The following PTPRM variants were observed in gnomAD, a reference collection of about 807,000 sequenced individuals.
PTPRM encodes the protein receptor-type tyrosine-protein phosphatase mu.
A neutral mutation model predicts 186.7 loss-of-function variants in PTPRM; 47 were observed. That is an observed-to-expected ratio of 0.25 (90% CI 0.20 to 0.32). The LOEUF is 0.32. Ranked by LOEUF, PTPRM falls within the 10% of genes least tolerant of loss-of-function variation. The pLI, the probability that PTPRM is intolerant of heterozygous loss-of-function variation, is 1.00. For synonymous variants in PTPRM, 668 were observed against 674.9 expected (o/e 0.99, Z 0.16); for missense variants, 1,494 against 1,865.0 (o/e 0.80, Z 3.66).
chr18:7,929,443 G>A (rs1049038828), intron 5 of PTPRM, among the ~76,000 whole-genome samples: 7 of 151,958 alleles, frequency 4.6e-5, no homozygotes, highest in Admixed American at 2.6e-4. Context: ...TCTACACTGC[G>A]CTGTCAAGAA....
intron 7 of PTPRM, among the ~76,000 whole-genome samples, chr18:8,009,482 G>A (rs541119227): frequency 9.2e-5 from 14 of 152,274 alleles, no homozygotes; most frequent in African/African-American, 3.4e-4. Flanking sequence ...GGCCAGGGCA[G>A]ACAGATCACG....
At chr18:8,146,279 C>T (rs1278424668) in intron 14 of PTPRM, among the ~76,000 whole-genome samples, 2 of 152,108 alleles carry the variant, frequency 1.3e-5, no homozygotes, top group African/African-American at 2.4e-5. Flanking sequence ...GCTTGGCCTC[C>T]CAAAGTGCTG....
At chr18:7,645,259 A>T (rs1442540470) in intron 1 of PTPRM, among the ~76,000 whole-genome samples, 1 of 152,148 alleles carries the variant, frequency 6.6e-6, no homozygotes, top group Admixed American at 6.5e-5. Context: ...AACAAATCTC[A>T]TTTGGCACTA....
intron 2 of PTPRM, among the ~76,000 whole-genome samples, chr18:7,817,388 G>A (rs1291276716): frequency 6.6e-6 from 1 of 152,088 alleles, no homozygotes; most frequent in Non-Finnish European, 1.5e-5. Context: ...AGATACAGTG[G>A]TACCTCATAA....
chr18:8,288,439 G>A (rs992765546), intron 19 of PTPRM, among the ~76,000 whole-genome samples: 4 of 152,096 alleles, frequency 2.6e-5, no homozygotes, highest in African/African-American at 9.7e-5. Context: ...GAGTAGTGCC[G>A]GCCAAGAAAG....
chr18:7,920,210 GACTT>G (rs1381605791), intron 4 of PTPRM, among the ~76,000 whole-genome samples: 1 of 152,068 alleles, frequency 6.6e-6, no homozygotes, highest in Non-Finnish European at 1.5e-5. Context: ...ATTAAGTAAA[GACTT>G]ACTACTGCCA....
At chr18:8,317,528 T>C (rs2095317549) in intron 21 of PTPRM, among the ~76,000 whole-genome samples, 1 of 152,022 alleles carries the variant, frequency 6.6e-6, no homozygotes, top group Admixed American at 6.6e-5. Flanking sequence ...TTGAAGGCCA[T>C]GGGGCTGGAG....
At chr18:7,616,175 T>C (rs189524587) in intron 1 of PTPRM, among the ~76,000 whole-genome samples, 1 of 152,288 alleles carries the variant, frequency 6.6e-6, no homozygotes, top group African/African-American at 2.4e-5. Context: ...GCTGGTTTTT[T>C]AGACAGGGTC....
At chr18:8,209,430 G>A (rs537099897) in intron 14 of PTPRM, among the ~76,000 whole-genome samples, 1 of 152,284 alleles carries the variant, frequency 6.6e-6, no homozygotes, top group Non-Finnish European at 1.5e-5. Context: ...TTCAGCTTGA[G>A]CAACTACAAA....
intron 1 of PTPRM, among the ~76,000 whole-genome samples, chr18:7,694,687 A>C (rs533912635): frequency 2.6e-5 from 4 of 152,198 alleles, no homozygotes; most frequent in Admixed American, 6.5e-5. Context: ...TCGGCCTCCC[A>C]AAGTTCTGGG....
rs117727865 is a variant in PTPRM, at chr18:7,764,969, G to A, written c.74-9180G>A. Among the ~76,000 whole-genome samples the A allele has an allele frequency of 3.1e-4, 47 of 152,236 alleles. No homozygotes were observed. In the East Asian group the frequency reaches 9.1e-3, roughly 29 times the overall value. ...ATTCAGATAGATTCACATTTATGCA[G>A]GGAATTCATGCAAGTGGTTTAATTC... is the stretch of plus-strand genomic sequence containing the variant. On this transcript the variant is annotated intron_variant, in intron 1 of 32. Coordinates refer to ENST00000580170, the MANE Select transcript of PTPRM (RefSeq NM_001105244.2).
Position 7,748,306 on chromosome 18 carries a change from G to A in PTPRM, c.74-25843G>A, listed in dbSNP as rs536181292. On this transcript the variant is annotated intron_variant, in intron 1 of 32. Coordinates refer to ENST00000580170, the MANE Select transcript of PTPRM (RefSeq NM_001105244.2). ...GAGTTTAAAGAGTTACATGTGGCTAGTAGCCCTGTGTTGAACGGTACAGCT... is the reference window on the plus strand; with the variant it reads ...GAGTTTAAAGAGTTACATGTGGCTAATAGCCCTGTGTTGAACGGTACAGCT... 5.3e-5 allele frequency among the ~76,000 whole-genome samples: 8 copies of A among 152,354 alleles called. No individual in the cohort carries two copies. The South Asian group carries it at 1.7e-3, about 32-fold the overall frequency.
intron 2 of PTPRM, among the ~76,000 whole-genome samples, chr18:7,858,947 A>G (rs1036716535): frequency 1.2e-4 from 19 of 152,326 alleles, no homozygotes; most frequent in African/African-American, 4.3e-4. Context: ...TGTTACTGTA[A>G]TTATATGAGT....
intron 20 of PTPRM, among the ~76,000 whole-genome samples, chr18:8,303,162 C>T (rs971020485): frequency 1.1e-4 from 17 of 151,964 alleles, no homozygotes; most frequent in South Asian, 4.2e-4. Flanking sequence ...AACTGCTCAG[C>T]GGTGCAGGGA....
intron 1 of PTPRM, among the ~76,000 whole-genome samples, chr18:7,667,423 T>G (rs2039121016): frequency 6.6e-6 from 1 of 152,164 alleles, no homozygotes. Flanking sequence ...GGCCTATAGG[T>G]CCCAAAGCAC....
In PTPRM at chr18:8,406,222, T is replaced by C; in HGVS notation, c.*60T>C. 1 of 1,499,490 alleles carries C rather than the reference T, an allele frequency of 6.7e-7. No individual in the cohort carries two copies. Among genetic ancestry groups the C allele is most frequent in the Non-Finnish European group, 9.2e-7 (1 of 1,086,340 alleles). The allele number at this position is 1,499,490 out of a possible 1,614,324, so 92.9% of individuals were successfully genotyped here. The stretch of plus-strand genomic sequence containing the variant: ...ACCACAAAGCCAAGACGTTCCATGG[T>C]ATTTGTGCAAAAGAGATGAAGACTT... On this transcript the variant is annotated 3_prime_UTR_variant, in exon 33 of 33. Coordinates refer to ENST00000580170, the MANE Select transcript of PTPRM (RefSeq NM_001105244.2).
rs563460641 is a variant in PTPRM, at chr18:7,937,163, G to A, written c.663+10480G>A. Reference sequence around the variant, plus strand: ...GACCCACCAAATGGCAGGGCTGCAAGGGCTATAACACAAGCAGGGCTGAAA... The same window carrying A: ...GACCCACCAAATGGCAGGGCTGCAAAGGCTATAACACAAGCAGGGCTGAAA... On this transcript the variant is annotated intron_variant, in intron 5 of 32. Coordinates refer to ENST00000580170, the MANE Select transcript of PTPRM (RefSeq NM_001105244.2). 5.3e-5 allele frequency among the ~76,000 whole-genome samples: 8 copies of A among 152,306 alleles called. No individual in the cohort carries two copies. The East Asian group carries it at 1.6e-3, about 30-fold the overall frequency.
At chr18:8,004,573 T>C (rs2084065277) in intron 7 of PTPRM, among the ~76,000 whole-genome samples, 2 of 151,984 alleles carry the variant, frequency 1.3e-5, no homozygotes, top group Non-Finnish European at 2.9e-5. Context: ...GTTCAGAAGA[T>C]GACTGACCTC....
chr18:8,320,871 TGTAGAGTTTCCA>T (rs1459319661), intron 22 of PTPRM, among the ~76,000 whole-genome samples: 1 of 152,230 alleles, frequency 6.6e-6, no homozygotes, highest in African/African-American at 2.4e-5. Context: ...CAAAGTTGTC[TGTAGAGTTTCCA>T]GTATGAACCT....
Sources: gnomAD v4.1 joint callset for allele counts (sites outside exome capture counted in the v4.1 genomes callset) on GRCh38, gnomAD v4.1.1 for gene constraint, MANE v1.5 for transcripts, NCBI Gene and HGNC (gene_info 2026-07-23, HGNC 2026-07-21) for gene names.